The following GRIK2 variants were observed in gnomAD, a reference collection of about 807,000 sequenced individuals.
The protein encoded by GRIK2 is glutamate ionotropic receptor kainate type subunit 2.
GRIK2 carries 32 observed loss-of-function variants against 100.3 expected under a neutral mutation model. The ratio of observed to expected loss-of-function variants is 0.32; its 90% CI spans 0.24 to 0.43. The LOEUF (loss-of-function observed/expected upper bound fraction) is 0.43, where lower values mean the gene tolerates loss of function less well. Ranked by LOEUF, GRIK2 falls within the 20% of genes least tolerant of loss-of-function variation. The pLI, the probability that GRIK2 is intolerant of heterozygous loss-of-function variation, is 1.00. For missense variants in GRIK2, 843 were observed against 1,114.9 expected (o/e 0.76, Z 3.47); for synonymous variants, 417 against 389.4 (o/e 1.07, Z -0.83).
At chr6:101,609,778 T>G (rs1779592261) in intron 2 of GRIK2, among the ~76,000 whole-genome samples, 1 of 151,690 alleles carries the variant, frequency 6.6e-6, no homozygotes, top group Admixed American at 6.6e-5. Context: ...AGAGGAACCA[T>G]GTATGGTAAT....
At chr6:101,834,474 A>G (rs1246331404) in intron 10 of GRIK2, among the ~76,000 whole-genome samples, 3 of 152,224 alleles carry the variant, frequency 2.0e-5, no homozygotes, top group South Asian at 2.1e-4. Context: ...TGGTAAGTTC[A>G]TATGAGGCTG....
intron 9 of GRIK2, among the ~76,000 whole-genome samples, chr6:101,812,391 TA>T (rs1210717565): frequency 6.6e-6 from 1 of 151,924 alleles, no homozygotes. Flanking sequence ...ACTTAGAGTT[TA>T]ACACAGCAGG....
intron 2 of GRIK2, among the ~76,000 whole-genome samples, chr6:101,484,168 A>G (rs1206601417): frequency 2.0e-5 from 3 of 152,232 alleles, no homozygotes; most frequent in African/African-American, 7.2e-5. Context: ...ATTTTAGTAG[A>G]GTAGATAATA....
At chr6:101,933,966 T>C (rs1378599195) in intron 14 of GRIK2, among the ~76,000 whole-genome samples, 2 of 151,858 alleles carry the variant, frequency 1.3e-5, no homozygotes, top group African/African-American at 4.8e-5. Context: ...CTTGGGAGAT[T>C]TTTCTCTTTC....
intron 7 of GRIK2, among the ~76,000 whole-genome samples, chr6:101,742,241 T>G (rs1010407968): frequency 6.6e-6 from 1 of 152,152 alleles, no homozygotes; most frequent in African/African-American, 2.4e-5. Flanking sequence ...AGGTGACAAG[T>G]TTGCAGCAGA....
intron 2 of GRIK2, among the ~76,000 whole-genome samples, chr6:101,420,066 C>T (rs1776339393): frequency 6.6e-6 from 1 of 152,152 alleles, no homozygotes; most frequent in Non-Finnish European, 1.5e-5. Context: ...GATGGTTACT[C>T]TTTGTTGGAT....
chr6:101,776,784 A>C lies in GRIK2; in HGVS notation c.952-22864A>C, dbSNP rs146578835. 1.2e-3 allele frequency among the ~76,000 whole-genome samples: 183 copies of C among 152,262 alleles called. 1 individual carries two copies. Among genetic ancestry groups the C allele is most frequent in the African/African-American group, 4.3e-3 (180 of 41,550 alleles). ...AATTGTAGCGTCATGTACATAACAC[A>C]TTGTGTAGGGATCAGGTTATTATAT... On this transcript the variant is annotated intron_variant, in intron 7 of 16. Coordinates refer to ENST00000369134, the MANE Select transcript of GRIK2 (RefSeq NM_021956.5).
chr6:101,428,046 T>C (rs1057283065), intron 2 of GRIK2, among the ~76,000 whole-genome samples: 1 of 152,256 alleles, frequency 6.6e-6, no homozygotes, highest in Non-Finnish European at 1.5e-5. Flanking sequence ...AGATTTTCTT[T>C]AATTAGCTCA....
At position 102,068,397 on chromosome 6, in the gene GRIK2, C is replaced by G. The variant is rs781500195; in HGVS notation, c.2613C>G (p.Cys871Trp). 1 of 1,611,690 alleles carries G rather than the reference C, an allele frequency of 6.2e-7. No homozygotes were observed. The highest frequency in any genetic ancestry group is 8.5e-7 in the Non-Finnish European group (1 of 1,178,296). Residue 871 changes from cysteine (C) to tryptophan (W), a missense_variant, in exon 17 of 17, where the codon TGC (cysteine) becomes TGG (tryptophan). Around this residue, in one of 3 missense-constraint regions of GRIK2, gnomAD observed 87 missense variants for 83.2 expected, o/e 1.05. Transcript: ENST00000369134. Reference sequence around the variant, plus strand: ...AAGAATTGAGGATGTCCCTGAAGTGCCAGCGTCGGTTAAAACATAAGCCAC... The same window carrying G: ...AAGAATTGAGGATGTCCCTGAAGTGGCAGCGTCGGTTAAAACATAAGCCAC... ...MVEELRMSLK[C>W]QRRLKHKPQA...
intron 14 of GRIK2, among the ~76,000 whole-genome samples, chr6:102,018,039 T>G (rs1027665084): frequency 6.6e-6 from 1 of 152,192 alleles, no homozygotes; most frequent in Non-Finnish European, 1.5e-5. Context: ...TGACAATTGT[T>G]CAGTCTCTTC....
intron 2 of GRIK2, among the ~76,000 whole-genome samples, chr6:101,439,296 G>A (rs539986587): frequency 1.9e-4 from 29 of 152,198 alleles, no homozygotes; most frequent in Admixed American, 7.9e-4. Context: ...GATGCCCATG[G>A]TTCAAAGTAA....
At chr6:101,595,461 C>T (rs1778872973) in intron 2 of GRIK2, among the ~76,000 whole-genome samples, 1 of 151,468 alleles carries the variant, frequency 6.6e-6, no homozygotes, top group Non-Finnish European at 1.5e-5. Flanking sequence ...CAAGTTTGGC[C>T]TAAGGGCCAT....
At chr6:102,062,639 A>C (rs1771811901) in intron 16 of GRIK2, among the ~76,000 whole-genome samples, 1 of 150,408 alleles carries the variant, frequency 6.6e-6, no homozygotes, top group South Asian at 2.1e-4. Context: ...GGTTGTATAT[A>C]TTTTTTTAAC....
At chr6:102,053,659 CAT>C (rs1771320050) in intron 15 of GRIK2, among the ~76,000 whole-genome samples, 1 of 151,940 alleles carries the variant, frequency 6.6e-6, no homozygotes, top group African/African-American at 2.4e-5. Flanking sequence ...TGACCAGAAA[CAT>C]ATAAAAATAA....
chr6:101,770,382 G>A (rs1056367833), intron 7 of GRIK2, among the ~76,000 whole-genome samples: 5 of 152,102 alleles, frequency 3.3e-5, no homozygotes, highest in Non-Finnish European at 7.4e-5. Context: ...TTATCAAACT[G>A]TTATTTTTCC....
At chr6:101,669,531 T>TC (rs1299942297) in intron 4 of GRIK2, among the ~76,000 whole-genome samples, 7 of 152,130 alleles carry the variant, frequency 4.6e-5, no homozygotes, top group Non-Finnish European at 7.4e-5. Flanking sequence ...TATGTCTGAT[T>TC]AGGGTAATCT....
chr6:101,785,013 T>C (rs541388624), intron 7 of GRIK2, among the ~76,000 whole-genome samples: 1 of 152,326 alleles, frequency 6.6e-6, no homozygotes, highest in South Asian at 2.1e-4. Flanking sequence ...TTAGATGATA[T>C]TTCATTGTGG....
chr6:101,508,939 A>ACCAT (rs1774157769), intron 2 of GRIK2, among the ~76,000 whole-genome samples: 2 of 152,072 alleles, frequency 1.3e-5, no homozygotes, highest in Non-Finnish European at 2.9e-5. Flanking sequence ...GTGGATCATG[A>ACCAT]GGGCAGGAGA....
chr6:101,732,522 G>A (rs558832201), intron 7 of GRIK2, among the ~76,000 whole-genome samples: 1 of 151,856 alleles, frequency 6.6e-6, no homozygotes, highest in East Asian at 1.9e-4. Context: ...TATAAAACTC[G>A]ATTACAAATA....
Sources: gnomAD v4.1 joint callset for allele counts (sites outside exome capture counted in the v4.1 genomes callset) on GRCh38, gnomAD v4.1.1 for gene constraint, gnomAD v4.1.1 regional missense constraint, MANE v1.5 for transcripts, NCBI Gene and HGNC (gene_info 2026-07-23, HGNC 2026-07-21) for gene names.